Variants in ADGRG7 observed in about 807,000 individuals in gnomAD.
The protein encoded by ADGRG7 is adhesion G protein-coupled receptor G7, also known as G-protein coupled receptor 128.
A neutral mutation model predicts 88.6 loss-of-function variants in ADGRG7; 82 were observed. The ratio of observed to expected loss-of-function variants is 0.93; its 90% CI spans 0.77 to 1.11. The LOEUF is 1.11. ADGRG7 is among the 50% of genes most tolerant of loss of function. The pLI is 0.00. For missense variants in ADGRG7, 945 were observed against 953.4 expected, an observed-to-expected ratio of 0.99 and a Z score of 0.12; for synonymous variants, 381 against 345.2, an observed-to-expected ratio of 1.10 and a Z score of -1.15.
chr3:100,612,542 G>A (rs1443247007), intron 1 of ADGRG7, among the ~76,000 whole-genome samples: 1 of 152,116 alleles, frequency 6.6e-6, no homozygotes, highest in Non-Finnish European at 1.5e-5. Context: ...CTTCCCATTG[G>A]CATTTTCCAA....
intron 9 of ADGRG7, 126 bp from the exon 10 acceptor site, chr3:100,646,443 A>C: frequency 1.4e-6 from 1 of 739,300 alleles, no homozygotes; most frequent in Non-Finnish European, 2.2e-6. Flanking sequence ...CTTAATCATA[A>C]TGAATATGCT....
intron 15 of ADGRG7, among the ~76,000 whole-genome samples, chr3:100,684,648 T>C (rs1020623421): frequency 3.8e-4 from 58 of 152,290 alleles, no homozygotes; most frequent in African/African-American, 1.3e-3. Context: ...TTTGTTTTAT[T>C]GTGTTATCTT....
intron 15 of ADGRG7, among the ~76,000 whole-genome samples, chr3:100,674,739 A>T: frequency 6.6e-6 from 1 of 151,966 alleles, no homozygotes. Context: ...CACCACCCCT[A>T]GCTAATTTTT....
At chr3:100,688,682 C>G (rs368048190) in intron 15 of ADGRG7, among the ~76,000 whole-genome samples, 1 of 152,094 alleles carries the variant, frequency 6.6e-6, no homozygotes, top group Non-Finnish European at 1.5e-5. Flanking sequence ...TGTAGTTGAG[C>G]GGTTTTGAGT....
chr3:100,649,205 G>A (rs867934083), intron 10 of ADGRG7, among the ~76,000 whole-genome samples: 1 of 152,256 alleles, frequency 6.6e-6, no homozygotes, highest in African/African-American at 2.4e-5. Flanking sequence ...ACATGGGACA[G>A]TATGGGTCCA....
Position 100,645,007 on chromosome 3 carries a change from C to T in ADGRG7, c.947-938C>T, listed in dbSNP as rs114257316. 6.1e-3 allele frequency among the ~76,000 whole-genome samples: 927 copies of T among 152,334 alleles called. 12 individuals are homozygous for T. The highest frequency in any genetic ancestry group is 0.021 in the African/African-American group (888 of 41,578). On this transcript the variant is annotated intron_variant, in intron 8 of 15. Coordinates refer to ENST00000273352, the MANE Select transcript of ADGRG7 (RefSeq NM_032787.3). ...CTCCAACAATGGCCACAGAGGAGGACAATTTGGGGGCTGTCGGGGCCTTGC... is the reference window on the plus strand; with the variant it reads ...CTCCAACAATGGCCACAGAGGAGGATAATTTGGGGGCTGTCGGGGCCTTGC...
intron 8 of ADGRG7, among the ~76,000 whole-genome samples, chr3:100,644,267 T>C (rs1220059229): frequency 1.3e-5 from 2 of 152,106 alleles, no homozygotes; most frequent in African/African-American, 4.8e-5. Flanking sequence ...TCAGAAAGTA[T>C]ATGTGTTAGA....
intron 15 of ADGRG7, among the ~76,000 whole-genome samples, chr3:100,681,055 T>G (rs1257738426): frequency 2.0e-5 from 3 of 152,182 alleles, no homozygotes; most frequent in Non-Finnish European, 4.4e-5. Flanking sequence ...GTTTTCAAAA[T>G]CTGAAAAGAA....
intron 15 of ADGRG7, among the ~76,000 whole-genome samples, chr3:100,672,148 G>A (rs868478420): frequency 6.6e-6 from 1 of 152,152 alleles, no homozygotes; most frequent in Non-Finnish European, 1.5e-5. Context: ...ACTTTGGGCA[G>A]TATGGCCATT....
chr3:100,684,691 C>T (rs2094979235), intron 15 of ADGRG7, among the ~76,000 whole-genome samples: 1 of 151,862 alleles, frequency 6.6e-6, no homozygotes, highest in Non-Finnish European at 1.5e-5. Flanking sequence ...ATCACTGCCT[C>T]CTTAATTTTA....
At chr3:100,652,025 T>C (rs1014431616) in intron 11 of ADGRG7, among the ~76,000 whole-genome samples, 4 of 152,152 alleles carry the variant, frequency 2.6e-5, no homozygotes, top group African/African-American at 9.7e-5. Context: ...GGAGCATCTA[T>C]ATAGTAATAA....
intron 15 of ADGRG7, among the ~76,000 whole-genome samples, chr3:100,674,647 T>C (rs555946182): frequency 2.7e-4 from 41 of 151,648 alleles, no homozygotes; most frequent in African/African-American, 9.7e-4. Context: ...GTGTAACATC[T>C]GCTCACTGCA....
intron 1 of ADGRG7, among the ~76,000 whole-genome samples, chr3:100,612,674 C>T (rs1707170127): frequency 6.6e-6 from 1 of 152,168 alleles, no homozygotes; most frequent in Admixed American, 6.5e-5. Flanking sequence ...TAGTGCCTTA[C>T]TTGACCATAT....
chr3:100,689,109 T>C (rs1028527108), intron 15 of ADGRG7, among the ~76,000 whole-genome samples: 1 of 152,238 alleles, frequency 6.6e-6, no homozygotes, highest in African/African-American at 2.4e-5. Flanking sequence ...TCTTGTTGAA[T>C]TGATCCCTTT....
At chr3:100,676,787 T>A (rs2094965973) in intron 15 of ADGRG7, among the ~76,000 whole-genome samples, 1 of 152,076 alleles carries the variant, frequency 6.6e-6, no homozygotes, top group Non-Finnish European at 1.5e-5. Context: ...GCTCCAGTAT[T>A]GGGCATATAT....
intron 15 of ADGRG7, among the ~76,000 whole-genome samples, chr3:100,669,539 A>G (rs1477744326): frequency 2.9e-4 from 12 of 41,224 alleles, no homozygotes; most frequent in African/African-American, 5.4e-4. Context: ...ATCTCAAAAA[A>G]AAAAAAAAAA....
chr3:100,612,507 A>G (rs756117189), intron 1 of ADGRG7, among the ~76,000 whole-genome samples: 2 of 152,226 alleles, frequency 1.3e-5, no homozygotes, highest in Non-Finnish European at 2.9e-5. Flanking sequence ...GTAAAATGAA[A>G]ACATAATTAA....
intron 11 of ADGRG7, 56 bp from the exon 12 acceptor site, chr3:100,654,779 T>C (rs1186122710): frequency 1.8e-6 from 2 of 1,085,480 alleles, no homozygotes; most frequent in Non-Finnish European, 2.6e-6. Context: ...TGCAGTTTGT[T>C]TTGTGCAGTT....
At chr3:100,665,408 G>GA in intron 14 of ADGRG7, 1 of 539,894 alleles carries the variant, frequency 1.9e-6, no homozygotes, top group Non-Finnish European at 3.8e-6. Context: ...GTTTCTTTGT[G>GA]AAAACGAAAC....
Sources: gnomAD v4.1 joint callset for allele counts (sites outside exome capture counted in the v4.1 genomes callset) on GRCh38, gnomAD v4.1.1 for gene constraint, MANE v1.5 for transcripts, NCBI Gene and HGNC (gene_info 2026-07-23, HGNC 2026-07-21) for gene names.